The following SUPT3H variants were observed in gnomAD, a reference collection of about 807,000 sequenced individuals.
SUPT3H encodes SPT3 homolog, SAGA and STAGA complex component.
SUPT3H carries 44 observed loss-of-function variants against 44.3 expected under a neutral mutation model. The observed-to-expected ratio is 0.99, with a 90% confidence interval of 0.78 to 1.28. The LOEUF (loss-of-function observed/expected upper bound fraction) is 1.28, where lower values mean the gene tolerates loss of function less well. SUPT3H is among the 50% of genes most tolerant of loss of function. SUPT3H has a pLI of 0.00. For missense variants in SUPT3H, 380 were observed against 387.1 expected, an observed-to-expected ratio of 0.98 and a Z score of 0.15; for synonymous variants, 124 against 125.6, an observed-to-expected ratio of 0.99 and a Z score of 0.09.
chr6:45,097,599 A>G (rs899708579), intron 3 of SUPT3H: 4 of 152,256 alleles, frequency 2.6e-5, no homozygotes, highest in African/African-American at 9.6e-5. Context: ...AAAGAGATCC[A>G]CTGTTACAAT....
chr6:44,927,981 T>C (rs1769801419), intron 10 of SUPT3H, among the ~76,000 whole-genome samples: 1 of 152,172 alleles, frequency 6.6e-6, no homozygotes, highest in Non-Finnish European at 1.5e-5. Flanking sequence ...ACTTCCACTA[T>C]TACTAATATA....
chr6:44,885,583 C>T (rs1198071076), intron 10 of SUPT3H, among the ~76,000 whole-genome samples: 3 of 152,160 alleles, frequency 2.0e-5, no homozygotes, highest in East Asian at 3.8e-4. Context: ...AACTAACAAA[C>T]AGAAAGGACA....
chr6:44,824,248 A>G (rs1193217626), downstream of SUPT3H, among the ~76,000 whole-genome samples: 3 of 152,240 alleles, frequency 2.0e-5, no homozygotes, highest in Non-Finnish European at 4.4e-5. Flanking sequence ...GGTGCTGCTT[A>G]GTGTCTGCTT....
Position 45,174,085 on chromosome 6 carries a change from T to C in SUPT3H, c.102-68079A>G, listed in dbSNP as rs201889283. On this transcript the variant is annotated intron_variant, in intron 2 of 10. Transcript: ENST00000371459. ...AATCCACCTGACTCTAACCTTTCAA[T>C]CTAGCTGACTTCAGCAACTAGGCTT... Among the ~76,000 whole-genome samples the C allele has an allele frequency of 7.2e-5, 11 of 152,334 alleles. No homozygotes were observed. In the East Asian group the frequency reaches 1.5e-3, roughly 21 times the overall value.
At chr6:45,233,804 A>G (rs1768543969) in intron 2 of SUPT3H, among the ~76,000 whole-genome samples, 1 of 152,208 alleles carries the variant, frequency 6.6e-6, no homozygotes, top group South Asian at 2.1e-4. Context: ...CCACATTCCT[A>G]ACCACTATGA....
At chr6:45,281,604 T>G (rs189154706) in intron 2 of SUPT3H, among the ~76,000 whole-genome samples, 1 of 152,166 alleles carries the variant, frequency 6.6e-6, no homozygotes, top group Non-Finnish European at 1.5e-5. Flanking sequence ...AAGCTCAAAC[T>G]GGATGGAGCC....
intron 2 of SUPT3H, among the ~76,000 whole-genome samples, chr6:45,236,247 CGTT>C (rs1192526414): frequency 5.3e-5 from 8 of 152,046 alleles, no homozygotes; most frequent in Non-Finnish European, 8.8e-5. Flanking sequence ...TGGAACCCAA[CGTT>C]GGGGCTCAAA....
intron 3 of SUPT3H, among the ~76,000 whole-genome samples, chr6:45,086,790 G>A (rs781222623): frequency 6.6e-6 from 1 of 151,610 alleles, no homozygotes; most frequent in Non-Finnish European, 1.5e-5. Context: ...ATAGGTACAC[G>A]GCTAAAATAT....
chr6:45,011,467 A>G (rs1419993113), intron 5 of SUPT3H, among the ~76,000 whole-genome samples: 2 of 151,962 alleles, frequency 1.3e-5, no homozygotes, highest in Admixed American at 1.3e-4. Context: ...TTTATTTGCC[A>G]CTTCTGGTTC....
At chr6:44,979,549 G>C (rs547946633) in intron 6 of SUPT3H, among the ~76,000 whole-genome samples, 5 of 152,040 alleles carry the variant, frequency 3.3e-5, no homozygotes, top group South Asian at 2.1e-4. Context: ...GTGTGGGGGG[G>C]GGAAATCAAT....
rs532031250 is a variant in SUPT3H, at chr6:45,290,259, A to G, written c.101+74942T>C. 5.6e-4 allele frequency among the ~76,000 whole-genome samples: 85 copies of G among 152,298 alleles called. No individual in the cohort carries two copies. In the Middle Eastern group the frequency reaches 0.01, roughly 18 times the overall value. On this transcript the variant is annotated intron_variant, in intron 2 of 10. Coordinates refer to ENST00000371459, the MANE Select transcript of SUPT3H (RefSeq NM_003599.4). ...AAATTTTAAAATCATTTGGAAAGTA[A>G]AAAGGCTCTTGCTTTTATTTGTGAA... is the stretch of plus-strand genomic sequence containing the variant.
At chr6:45,157,841 CG>C (rs941843381) in intron 2 of SUPT3H, among the ~76,000 whole-genome samples, 2 of 151,490 alleles carry the variant, frequency 1.3e-5, no homozygotes, top group African/African-American at 4.8e-5. Context: ...CCACCGCACC[CG>C]GCCAGCATTA....
chr6:45,056,451 G>A (rs1453836857), intron 3 of SUPT3H, among the ~76,000 whole-genome samples: 5 of 152,170 alleles, frequency 3.3e-5, no homozygotes, highest in Admixed American at 6.5e-5. Context: ...CAATCAATGA[G>A]TGGATAAAGA....
intron 10 of SUPT3H, among the ~76,000 whole-genome samples, chr6:44,861,071 CTTTTG>C (rs1021736585): frequency 4.6e-5 from 7 of 151,832 alleles, no homozygotes; most frequent in East Asian, 1.9e-4. Flanking sequence ...TCATAGCTTT[CTTTTG>C]TTTTGTTTTG....
intron 10 of SUPT3H, among the ~76,000 whole-genome samples, chr6:44,842,383 A>G (rs1420249000): frequency 3.3e-5 from 5 of 152,132 alleles, no homozygotes. Context: ...GGATTTAGAA[A>G]TATAAATATT....
At chr6:44,831,956 T>G (rs1458373177) in intron 10 of SUPT3H, among the ~76,000 whole-genome samples, 1 of 152,138 alleles carries the variant, frequency 6.6e-6, no homozygotes, top group African/African-American at 2.4e-5. Context: ...AAGTTTAGAG[T>G]TGACCCAGAT....
rs1466909270 is a variant in SUPT3H, at chr6:44,810,044, T to G, written c.*53-543A>C. ...TGTAGTTTTTTCCAGAAGCCAAGAC[T>G]GGGCCTGTGGGTCCAAACCGAGTAT... On this transcript the variant is annotated intron_variant and NMD_transcript_variant, in intron 11 of 11. Transcript: ENST00000475057. 3.3e-5 allele frequency among the ~76,000 whole-genome samples: 5 copies of G among 152,340 alleles called. No individual in the cohort carries two copies. In the South Asian group the frequency reaches 1.0e-3, roughly 32 times the overall value.
chr6:45,123,233 C>T (rs1397876502), intron 2 of SUPT3H, among the ~76,000 whole-genome samples: 1 of 152,136 alleles, frequency 6.6e-6, no homozygotes, highest in Admixed American at 6.5e-5. Flanking sequence ...AAAATTAGTA[C>T]ATACCACACT....
chr6:45,056,047 A>G (rs1300966227), intron 3 of SUPT3H, among the ~76,000 whole-genome samples: 1 of 152,204 alleles, frequency 6.6e-6, no homozygotes, highest in African/African-American at 2.4e-5. Flanking sequence ...AAGAATATAT[A>G]CAAATGATCA....
Sources: gnomAD v4.1 joint callset for allele counts (sites outside exome capture counted in the v4.1 genomes callset) on GRCh38, gnomAD v4.1.1 for gene constraint, MANE v1.5 for transcripts, NCBI Gene and HGNC (gene_info 2026-07-23, HGNC 2026-07-21) for gene names.